The following CPLX2 variants were observed in gnomAD, a reference collection of about 807,000 sequenced individuals.
CPLX2 encodes the protein complexin 2.
Under a neutral mutation model 16.3 loss-of-function variants are expected in CPLX2, and 5 were observed. That is an observed-to-expected ratio of 0.31 (90% CI 0.16 to 0.64). The LOEUF is 0.64. CPLX2 is among the 30% of genes least tolerant of loss of function. CPLX2 has a pLI of 0.79. For missense variants in CPLX2, 144 were observed against 181.4 expected, an observed-to-expected ratio of 0.79 and a Z score of 1.18; for synonymous variants, 89 against 73.2, an observed-to-expected ratio of 1.22 and a Z score of -1.10.
At chr5:175,812,349 T>C (rs903768021) in intron 2 of CPLX2, among the ~76,000 whole-genome samples, 3 of 152,166 alleles carry the variant, frequency 2.0e-5, no homozygotes, top group South Asian at 4.1e-4. Flanking sequence ...GCTCACACGC[T>C]TACTGCACTT....
rs866258163 is a variant in CPLX2, at chr5:175,833,125, C to T, written c.-89+24057C>T. 7.8e-5 allele frequency among the ~76,000 whole-genome samples: 11 copies of T among 141,580 alleles called. No homozygotes were observed. In the South Asian group the frequency reaches 1.2e-3, roughly 15 times the overall value. 92.9% of individuals were successfully genotyped at this position (141,580 alleles called of 152,430 possible). A position where few individuals can be genotyped will look rare whatever the true frequency, so the allele number is the denominator to read the frequency against. On this transcript the variant is annotated intron_variant, in intron 2 of 4. Transcript: ENST00000359546. ...GAGCTGAGATCGCGCCACCGTGCTC[C>T]AGCCTAGATGACAAAAGTGAAACTC... is the stretch of plus-strand genomic sequence containing the variant.
At chr5:175,810,492 A>G (rs1581069127) in intron 2 of CPLX2, among the ~76,000 whole-genome samples, 1 of 152,300 alleles carries the variant, frequency 6.6e-6, no homozygotes, top group East Asian at 1.9e-4. Flanking sequence ...GCAGGACAAG[A>G]GCTGACTCCA....
intron 3 of CPLX2, among the ~76,000 whole-genome samples, chr5:175,879,319 T>C (rs1342572509): frequency 5.3e-5 from 8 of 152,168 alleles, no homozygotes; most frequent in African/African-American, 1.9e-4. Flanking sequence ...GACCCTACGG[T>C]CCACCATTTC....
At chr5:175,842,830 A>G (rs1373156459) in intron 2 of CPLX2, among the ~76,000 whole-genome samples, 3 of 152,112 alleles carry the variant, frequency 2.0e-5, no homozygotes, top group Non-Finnish European at 4.4e-5. Context: ...ACTCGTGACA[A>G]CCATTTCACA....
rs140941122 is a variant in CPLX2, at chr5:175,803,710, G to A, written c.-168-5279G>A. On this transcript the variant is annotated intron_variant, in intron 1 of 4. Transcript: ENST00000359546. Reference sequence around the variant, plus strand: ...ACAGAGGGGTGGCGTGATCTAAATTGTGATGAAGTCACTTCCCTCAGTCAC... The same window carrying A: ...ACAGAGGGGTGGCGTGATCTAAATTATGATGAAGTCACTTCCCTCAGTCAC... Among the ~76,000 whole-genome samples, 358 of 152,350 alleles carry A rather than the reference G, an allele frequency of 2.3e-3. 3 individuals carry two copies. The highest frequency in any genetic ancestry group is 3.9e-3 in the Non-Finnish European group (262 of 68,032).
chr5:175,821,232 G>A (rs569675608), intron 2 of CPLX2, among the ~76,000 whole-genome samples: 37 of 152,162 alleles, frequency 2.4e-4, no homozygotes, highest in African/African-American at 8.2e-4. Flanking sequence ...AGGGCCAGCA[G>A]AGACCCTCAG....
chr5:175,799,053 T>C (rs776367769), intron 1 of CPLX2, among the ~76,000 whole-genome samples: 1 of 152,218 alleles, frequency 6.6e-6, no homozygotes. Flanking sequence ...ATGAGCCACA[T>C]GCATTAAAAG....
At chr5:175,801,515 T>C (rs1026083893) in intron 1 of CPLX2, among the ~76,000 whole-genome samples, 2 of 152,156 alleles carry the variant, frequency 1.3e-5, no homozygotes, top group East Asian at 1.9e-4. Context: ...GTGGAGGGCA[T>C]GGCCCAGGAG....
intron 2 of CPLX2, among the ~76,000 whole-genome samples, chr5:175,834,807 G>A (rs1758797042): frequency 6.6e-6 from 1 of 152,242 alleles, no homozygotes; most frequent in Non-Finnish European, 1.5e-5. Context: ...CTGGGAGACG[G>A]AGGTTGCAGT....
In CPLX2 at chr5:175,849,662, C is replaced by T. The variant is rs1325007079; in HGVS notation, c.-88-28990C>T. On this transcript the variant is annotated intron_variant, in intron 2 of 4. Coordinates refer to the CPLX2 transcript ENST00000359546. The surrounding 1 kb of genome is among the most constrained non-coding windows in gnomAD (Gnocchi z 4.4). ...AGAGAAGCCCTCTGCCGCAGGTCCT[C>T]GTTGGGGTCATCATGGGAGAAGCCG... Among the ~76,000 whole-genome samples, 7 of 151,892 alleles carry T rather than the reference C, an allele frequency of 4.6e-5. No individual in the cohort carries two copies. Among genetic ancestry groups the T allele is most frequent in the Non-Finnish European group, 5.9e-5 (4 of 68,000 alleles).
chr5:175,883,445 C>A lies in CPLX2; in HGVS notation c.*3400C>A. 6.6e-6 allele frequency: 1 copy of A among 152,484 alleles called. No individual in the cohort carries two copies. Among genetic ancestry groups the A allele is most frequent in the Non-Finnish European group, 1.5e-5 (1 of 68,180 alleles). The allele number at this position is 152,484 out of a possible 1,614,324, so 9.4% of individuals were successfully genotyped here. A position where few individuals can be genotyped will look rare whatever the true frequency, so the allele number is the denominator to read the frequency against. ...CAGGGAGGATACAGAAGTATTGCAG[C>A]CCAGATCCCCTATCAGGGGGACAGC... On this transcript the variant is annotated 3_prime_UTR_variant, in exon 4 of 4. Transcript: ENST00000393745.
intron 2 of CPLX2, among the ~76,000 whole-genome samples, chr5:175,826,850 A>C (rs1413478759): frequency 6.6e-6 from 1 of 152,208 alleles, no homozygotes; most frequent in Non-Finnish European, 1.5e-5. Flanking sequence ...GCAAGTGAGC[A>C]AAATCCAACT....
intron 1 of CPLX2, among the ~76,000 whole-genome samples, chr5:175,799,979 A>G (rs879334887): frequency 6.6e-6 from 1 of 152,130 alleles, no homozygotes; most frequent in African/African-American, 2.4e-5. Context: ...GATTTTTGCC[A>G]GCCCTGCTTT....
At chr5:175,806,627 A>T in intron 1 of CPLX2, among the ~76,000 whole-genome samples, 1 of 150,752 alleles carries the variant, frequency 6.6e-6, no homozygotes, top group East Asian at 2.0e-4. Context: ...AGTAGCTGGG[A>T]TTACAGGCAT....
Position 175,830,225 on chromosome 5 carries a change from C to T in CPLX2, c.-89+21157C>T, listed in dbSNP as rs1190458800. Among the ~76,000 whole-genome samples the T allele has an allele frequency of 6.6e-6, 1 of 152,216 alleles. No individual in the cohort carries two copies. The highest frequency in any genetic ancestry group is 2.4e-5 in the African/African-American group (1 of 41,442). ...CACAGAGCTGCCCTGGTTCCCTGCC[C>T]CCGGGGGAGCACAGCCCAGCAAGAG... is the stretch of plus-strand genomic sequence containing the variant. On this transcript the variant is annotated intron_variant, in intron 2 of 4. Coordinates refer to the CPLX2 transcript ENST00000359546. The surrounding 1 kb of genome is among the most constrained non-coding windows in gnomAD (Gnocchi z 4.0).
rs560271013 is a variant in CPLX2, at chr5:175,880,001, C to T, written c.361C>T (p.Leu121Phe). The change falls in exon 4 of 4, where the codon CTC becomes TTC. Residue 121 changes from leucine (L) to phenylalanine (F), a missense_variant. Leu to Phe is a conservative substitution (Grantham distance 22, BLOSUM62 0). Transcript: ENST00000393745. ...EEEESILDTV[L>F]KYLPGPLQDM... is the part of the protein sequence containing the mutation. ...AGAGGAGAGCATCCTGGACACGGTGCTCAAATACCTGCCCGGGCCGCTGCA... is the reference window on the plus strand; with the variant it reads ...AGAGGAGAGCATCCTGGACACGGTGTTCAAATACCTGCCCGGGCCGCTGCA... 1.9e-6 allele frequency: 3 copies of T among 1,613,958 alleles called. No homozygotes were observed. Among genetic ancestry groups the T allele is most frequent in the African/African-American group, 1.3e-5 (1 of 75,050 alleles).
chr5:175,857,480 A>G (rs921961213), intron 2 of CPLX2, among the ~76,000 whole-genome samples: 1 of 152,242 alleles, frequency 6.6e-6, no homozygotes, highest in Non-Finnish European at 1.5e-5. Flanking sequence ...TGCATTTAAT[A>G]CACTGAACCT....
At chr5:175,875,376 C>T (rs1354863521) in intron 1 of CPLX2, among the ~76,000 whole-genome samples, 1 of 152,130 alleles carries the variant, frequency 6.6e-6, no homozygotes, top group Non-Finnish European at 1.5e-5. Context: ...GGGCTTCTTC[C>T]TCAGGAGCTA....
intron 1 of CPLX2, among the ~76,000 whole-genome samples, chr5:175,876,957 G>A (rs995635167): frequency 1.3e-5 from 2 of 152,200 alleles, no homozygotes; most frequent in Non-Finnish European, 2.9e-5. Context: ...GAGAAAGCAT[G>A]GAAAGCCTGT....
Sources: gnomAD v4.1 joint callset for allele counts (sites outside exome capture counted in the v4.1 genomes callset) on GRCh38, gnomAD v4.1.1 for gene constraint, Gnocchi (gnomAD v3.1) non-coding constraint, MANE v1.5 for transcripts, NCBI Gene and HGNC (gene_info 2026-07-23, HGNC 2026-07-21) for gene names.